NCBP1: variants seen among roughly 807,000 people sequenced by gnomAD.
The protein encoded by NCBP1 is nuclear cap binding protein subunit 1.
NCBP1 carries 16 observed loss-of-function variants against 111.7 expected under a neutral mutation model. The observed-to-expected ratio is 0.14, with a 90% confidence interval of 0.10 to 0.22. The LOEUF (loss-of-function observed/expected upper bound fraction) is 0.22, where lower values mean the gene tolerates loss of function less well. Among genes scored for constraint, NCBP1 ranks in the 10% least tolerant of loss-of-function variants. The pLI is 1.00. For synonymous variants in NCBP1, 304 were observed against 314.3 expected (o/e 0.97, Z 0.35); for missense variants, 607 against 957.5 (o/e 0.63, Z 4.83).
chr9:97,660,664 T>G (rs1217383791), intron 15 of NCBP1, among the ~76,000 whole-genome samples: 2 of 152,224 alleles, frequency 1.3e-5, no homozygotes, highest in African/African-American at 2.4e-5. Context: ...CCATTCATCT[T>G]GAGGATGATC....
intron 10 of NCBP1, among the ~76,000 whole-genome samples, chr9:97,653,309 CAG>C (rs747460154): frequency 7.9e-5 from 12 of 151,976 alleles, no homozygotes; most frequent in Admixed American, 1.3e-4. Flanking sequence ...TTTGTAGAGA[CAG>C]AGTTTCACCG....
At chr9:97,670,947 C>T in intron 22 of NCBP1, 139 bp from the exon 23 acceptor site, 2 of 508,144 alleles carry the variant, frequency 3.9e-6, no homozygotes, top group South Asian at 3.4e-5. Flanking sequence ...TTCAGGGGTC[C>T]ATTGTTCCTA....
chr9:97,640,729 G>C (rs534019127), intron 1 of NCBP1, 65 bp from the exon 2 acceptor site: 7 of 1,278,218 alleles, frequency 5.5e-6, no homozygotes, highest in Non-Finnish European at 1.1e-6. Flanking sequence ...AACCTAAAAA[G>C]GTTAAATAAA....
At chr9:97,666,739 A>G in intron 19 of NCBP1, 24 bp from the exon 20 acceptor site, 1 of 1,468,366 alleles carries the variant, frequency 6.8e-7, no homozygotes, top group Non-Finnish European at 9.3e-7. Context: ...GACATACAGT[A>G]ACCAAATGCC....
Position 97,648,147 on chromosome 9 carries a change from C to T in NCBP1, c.821C>T (p.Pro274Leu). ...CACAATCTGCCTCCTTTTACACCAC[C>T]TCCTCACACTGAAGATTCAGTGTAC... The part of the protein sequence containing the change: ...LQHNLPPFTP[P>L]PHTEDSVYPM... The change falls in exon 8 of 23, where the codon CCT (proline) becomes CTT (leucine). Residue 274 changes from proline to leucine, a missense_variant. Pro to Leu is a moderately conservative substitution (Grantham distance 98, BLOSUM62 -3). Coordinates refer to ENST00000375147, the MANE Select transcript of NCBP1 (RefSeq NM_002486.5). The T allele has an allele frequency of 6.2e-7, 1 of 1,614,176 alleles. No individual in the cohort carries two copies. Among genetic ancestry groups the T allele is most frequent in the Non-Finnish European group, 8.5e-7 (1 of 1,180,028 alleles).
At position 97,648,240 on chromosome 9, in the gene NCBP1, A is replaced by C; in HGVS notation, c.897+17A>C. 1.9e-6 allele frequency: 3 copies of C among 1,609,006 alleles called. No individual in the cohort carries two copies. The highest frequency in any genetic ancestry group is 2.6e-6 in the Non-Finnish European group (3 of 1,175,660). Reference sequence around the variant, plus strand: ...GATCCCGAGGTAAGTGACCGACTAAAAGTCCTAGATATTGACCTGTGTTGC... The same window carrying C: ...GATCCCGAGGTAAGTGACCGACTAACAGTCCTAGATATTGACCTGTGTTGC... On this transcript the variant is annotated intron_variant, in intron 8 of 22. Transcript: ENST00000375147.
At chr9:97,634,006 C>A in intron 1 of NCBP1, 91 bp downstream of exon 1, 1 of 1,392,584 alleles carries the variant, frequency 7.2e-7, no homozygotes, top group Non-Finnish European at 9.5e-7. Flanking sequence ...ACTGGAAGCT[C>A]TTCTCCCCGG....
chr9:97,667,565 G>C (rs1014955338), intron 20 of NCBP1, among the ~76,000 whole-genome samples: 1 of 152,112 alleles, frequency 6.6e-6, no homozygotes, highest in African/African-American at 2.4e-5. Context: ...TTTTGTAGAT[G>C]TTATAAAGTG....
At position 97,657,669 on chromosome 9, in the gene NCBP1, T is replaced by A. The variant is rs189475418; in HGVS notation, c.1374-971T>A. Among the ~76,000 whole-genome samples, 26 of 152,324 alleles carry A rather than the reference T, an allele frequency of 1.7e-4. No homozygotes were observed. In the East Asian group the frequency reaches 4.8e-3, roughly 28 times the overall value. On this transcript the variant is annotated intron_variant, in intron 14 of 22. Coordinates refer to ENST00000375147, the MANE Select transcript of NCBP1 (RefSeq NM_002486.5). ...CTTTTAGCAGCTACCACTAAGATGG[T>A]TGCCAAGTGATGATTTTCTCATTCC...
intron 16 of NCBP1, 54 bp downstream of exon 16, chr9:97,661,122 C>T: frequency 6.3e-7 from 1 of 1,595,212 alleles, no homozygotes; most frequent in South Asian, 1.1e-5. Flanking sequence ...CAACTTAAAG[C>T]ATAAACATAA....
chr9:97,647,697 C>A, intron 7 of NCBP1, 136 bp downstream of exon 7: 1 of 744,840 alleles, frequency 1.3e-6, no homozygotes, highest in Non-Finnish European at 2.2e-6. Context: ...CTTCTCATAG[C>A]TCAAGGTGTA....
At chr9:97,666,984 A>G (rs190728643) in intron 20 of NCBP1, 107 bp downstream of exon 20, 4 of 833,104 alleles carry the variant, frequency 4.8e-6, no homozygotes, top group Non-Finnish European at 7.1e-6. Flanking sequence ...CTGAGCCCAA[A>G]TTAATGCAGA....
At chr9:97,635,450 T>C (rs1179081823) in intron 1 of NCBP1, among the ~76,000 whole-genome samples, 1 of 149,422 alleles carries the variant, frequency 6.7e-6, no homozygotes, top group Non-Finnish European at 1.5e-5. Flanking sequence ...TGTCATTCTT[T>C]GTCAGGCTGG....
Position 97,633,834 on chromosome 9 carries a change from A to G in NCBP1, c.-48A>G, listed in dbSNP as rs1826905605. The stretch of plus-strand genomic sequence containing the variant: ...CGGCCAGCGGCCAGACAGTTCCTGC[A>G]GCGCTTACCGCCTGGCCTCTCGGTT... On this transcript the variant is annotated 5_prime_UTR_variant, in exon 1 of 23. Coordinates refer to ENST00000375147, the MANE Select transcript of NCBP1 (RefSeq NM_002486.5). The G allele has an allele frequency of 6.4e-7, 1 of 1,556,184 alleles. No individual in the cohort carries two copies. The highest frequency in any genetic ancestry group is 8.6e-7 in the Non-Finnish European group (1 of 1,157,212).
At chr9:97,651,564 G>A (rs1454169811) in intron 10 of NCBP1, among the ~76,000 whole-genome samples, 191 bp downstream of exon 10, 2 of 152,142 alleles carry the variant, frequency 1.3e-5, no homozygotes, top group Non-Finnish European at 2.9e-5. Context: ...AGAGAAAAAA[G>A]ATTGGAACCA....
At position 97,671,283 on chromosome 9, in the gene NCBP1, T is replaced by G. The variant is rs1039507823; in HGVS notation, c.*84T>G. 7 of 960,244 alleles carry G rather than the reference T, an allele frequency of 7.3e-6. No individual in the cohort carries two copies. The highest frequency in any genetic ancestry group is 3.1e-5 in the South Asian group (2 of 63,862). 59.5% of individuals were successfully genotyped at this position (960,244 alleles called of 1,614,324 possible). A position where few individuals can be genotyped will look rare whatever the true frequency, so the allele number is the denominator to read the frequency against. On this transcript the variant is annotated 3_prime_UTR_variant, in exon 23 of 23. Transcript: ENST00000375147. ...TTTTTGATGGTTTGAATGCTTGCTT[T>G]CTTGTAGTATCCTTTCACTTCTTAA...
intron 12 of NCBP1, among the ~76,000 whole-genome samples, chr9:97,655,272 A>C (rs1232146295): frequency 1.3e-5 from 2 of 151,990 alleles, no homozygotes; most frequent in African/African-American, 4.8e-5. Flanking sequence ...GTGCAGTGGG[A>C]TGAGCATAGC....
intron 18 of NCBP1, among the ~76,000 whole-genome samples, chr9:97,663,761 C>T: frequency 6.6e-6 from 1 of 151,706 alleles, no homozygotes; most frequent in East Asian, 2.0e-4. Context: ...TGCTAGATTA[C>T]AGGTGTGAGC....
In NCBP1 at chr9:97,666,925, ACT is replaced by A. The variant is rs748162004; in HGVS notation, c.2016+51_2016+52del. 28 of 1,296,484 alleles carry A rather than the reference ACT, an allele frequency of 2.2e-5. No homozygotes were observed. In the Admixed American group the frequency reaches 5.1e-4, roughly 23 times the overall value. The allele number at this position is 1,296,484 out of a possible 1,614,324, so 80.3% of individuals were successfully genotyped here. A position where few individuals can be genotyped will look rare whatever the true frequency, so the allele number is the denominator to read the frequency against. ...AGTAGTTAAAGAAAATATACCAGAA[ACT>A]CTGGAGAGGATTCAGAGTTCATTAT... On this transcript the variant is annotated intron_variant, in intron 20 of 22. Transcript: ENST00000375147.
Sources: allele counts gnomAD v4.1 joint callset (sites outside exome capture counted in the v4.1 genomes callset), GRCh38; gene constraint gnomAD v4.1.1; transcripts MANE v1.5; gene names NCBI Gene and HGNC (gene_info 2026-07-23, HGNC 2026-07-21).